The following PHLPP1 variants were observed in gnomAD, a reference collection of about 807,000 sequenced individuals.
PHLPP1 encodes the protein PH domain leucine-rich repeat-containing protein phosphatase 1.
A neutral mutation model predicts 117.2 loss-of-function variants in PHLPP1; 42 were observed. The observed-to-expected ratio is 0.36, with a 90% CI of 0.28 to 0.46. PHLPP1 has a LOEUF of 0.46. PHLPP1 is among the 20% of genes least tolerant of loss of function. The probability of loss-of-function intolerance (pLI) is 1.00; values close to 1 mark genes in which losing one functional copy is unlikely to be tolerated. For synonymous variants in PHLPP1, 1,042 were observed against 970.7 expected, an observed-to-expected ratio of 1.07 and a Z score of -1.37; for missense variants, 2,084 against 2,241.9, an observed-to-expected ratio of 0.93 and a Z score of 1.42.
intron 10 of PHLPP1, among the ~76,000 whole-genome samples, chr18:62,922,246 C>G (rs1320856602): frequency 6.6e-6 from 1 of 152,162 alleles, no homozygotes; most frequent in Non-Finnish European, 1.5e-5. Flanking sequence ...AAGTGATTCT[C>G]TTCCCTCAGC....
chr18:62,946,373 C>G (rs925645219), intron 12 of PHLPP1, among the ~76,000 whole-genome samples: 13 of 152,106 alleles, frequency 8.5e-5, no homozygotes, highest in African/African-American at 3.1e-4. Flanking sequence ...TCAAGCGATT[C>G]GCTCGCCGCA....
intron 6 of PHLPP1, among the ~76,000 whole-genome samples, chr18:62,899,844 A>AT (rs928069875): frequency 3.3e-5 from 5 of 152,088 alleles, no homozygotes; most frequent in African/African-American, 1.2e-4. Context: ...TAATTTTTAA[A>AT]TTTTTTAGAG....
intron 4 of PHLPP1, among the ~76,000 whole-genome samples, chr18:62,882,290 A>G (rs1446462818): frequency 3.4e-5 from 5 of 147,454 alleles, no homozygotes; most frequent in African/African-American, 1.0e-4. Context: ...TTTTTTTGAG[A>G]TGGTGTCTTG....
intron 1 of PHLPP1, among the ~76,000 whole-genome samples, chr18:62,780,405 C>T (rs117211109): frequency 2.0e-5 from 3 of 152,128 alleles, no homozygotes; most frequent in Admixed American, 6.5e-5. Flanking sequence ...GGTTCTCAAC[C>T]TTTTTCTTCT....
chr18:62,900,918 G>A (rs531962227), intron 6 of PHLPP1, among the ~76,000 whole-genome samples: 8 of 152,238 alleles, frequency 5.3e-5, no homozygotes, highest in Middle Eastern at 3.4e-3. Flanking sequence ...CAATAAATAT[G>A]TACAGTTTTA....
At chr18:62,869,929 C>T (rs1915857846) in intron 4 of PHLPP1, among the ~76,000 whole-genome samples, 1 of 152,142 alleles carries the variant, frequency 6.6e-6, no homozygotes, top group Non-Finnish European at 1.5e-5. Context: ...GCTCTGTCGC[C>T]CAGGCTGGAG....
intron 12 of PHLPP1, among the ~76,000 whole-genome samples, chr18:62,953,355 C>T (rs1273713929): frequency 6.6e-6 from 1 of 152,184 alleles, no homozygotes; most frequent in Non-Finnish European, 1.5e-5. Flanking sequence ...TGATATGCCA[C>T]ACAAACGTTA....
chr18:62,922,952 G>A (rs1045988890), intron 10 of PHLPP1, among the ~76,000 whole-genome samples: 2 of 152,100 alleles, frequency 1.3e-5, no homozygotes, highest in African/African-American at 2.4e-5. Flanking sequence ...TCTAAACCTG[G>A]GTTTTCTCAT....
At chr18:62,777,771 T>A (rs1913004584) in intron 1 of PHLPP1, among the ~76,000 whole-genome samples, 1 of 152,188 alleles carries the variant, frequency 6.6e-6, no homozygotes, top group African/African-American at 2.4e-5. Context: ...CCCCAACCAG[T>A]AAGGACTCTC....
chr18:62,899,828 C>A (rs1916667162), intron 6 of PHLPP1, among the ~76,000 whole-genome samples: 1 of 152,184 alleles, frequency 6.6e-6, no homozygotes. Flanking sequence ...CACTACCACA[C>A]TTGGCTAATT....
At chr18:62,905,183 G>A (rs1397873269) in intron 7 of PHLPP1, 41 bp from the exon 8 acceptor site, 1 of 1,297,946 alleles carries the variant, frequency 7.7e-7, no homozygotes, top group Non-Finnish European at 1.0e-6. Context: ...TATGTCATTT[G>A]TATAGTAATG....
At position 62,716,768 on chromosome 18, in the gene PHLPP1, G is replaced by C. The variant is rs1410650819; in HGVS notation, c.1085G>C (p.Arg362Pro). 9 of 1,525,280 alleles carry C rather than the reference G, an allele frequency of 5.9e-6. No individual in the cohort carries two copies. Among genetic ancestry groups the C allele is most frequent in the Non-Finnish European group, 6.1e-6 (7 of 1,141,700 alleles). 94.5% of individuals were successfully genotyped at this position (1,525,280 alleles called of 1,614,324 possible). Residue 362 changes from arginine to proline, a missense_variant, in exon 1 of 17, where the codon CGG (arginine) becomes CCG (proline). Physicochemically the swap from Arg to Pro is moderately radical, Grantham distance 103. Transcript: ENST00000262719. The surrounding 1 kb of genome is among the most constrained non-coding windows in gnomAD (Gnocchi z 5.7). ...LSPSAESVSD[R>P]LDPYSSGGGS... ...CCCAGCGCCGAGAGCGTGTCTGACC[G>C]GTTGGACCCCTACAGCAGCGGCGGC...
chr18:62,814,706 A>G (rs533797856), intron 1 of PHLPP1, among the ~76,000 whole-genome samples: 2 of 152,316 alleles, frequency 1.3e-5, no homozygotes, highest in South Asian at 4.1e-4. Context: ...ATTATTTATC[A>G]TGAGTACTTT....
intron 1 of PHLPP1, among the ~76,000 whole-genome samples, chr18:62,786,074 C>T (rs1420321305): frequency 2.0e-5 from 3 of 152,158 alleles, no homozygotes; most frequent in Non-Finnish European, 4.4e-5. Context: ...TGTGGTCCCT[C>T]AGTTTCTAGT....
intron 13 of PHLPP1, among the ~76,000 whole-genome samples, chr18:62,962,763 C>T (rs1018853786): frequency 4.0e-5 from 6 of 151,802 alleles, no homozygotes; most frequent in Admixed American, 6.6e-5. Flanking sequence ...ATTAAATACC[C>T]TTCATTTGCT....
intron 1 of PHLPP1, among the ~76,000 whole-genome samples, chr18:62,721,079 A>G (rs1474442541): frequency 6.6e-6 from 1 of 152,190 alleles, no homozygotes; most frequent in African/African-American, 2.4e-5. Context: ...TCCCTTGGTT[A>G]AAAGCATTCC....
rs200265956 is a variant in PHLPP1 at position 62,725,188 on chromosome 18, G to A, written c.1576+7929G>A. ...AGCCTGGCTAACATGGTGAAACCCT[G>A]TCTCTACTAAAAATACAAAAAATTA... On this transcript the variant is annotated intron_variant, in intron 1 of 16. Transcript: ENST00000262719. Among the ~76,000 whole-genome samples, 4 of 151,988 alleles carry A rather than the reference G, an allele frequency of 2.6e-5. No individual in the cohort carries two copies. The East Asian group carries it at 7.7e-4, about 29-fold the overall frequency.
intron 1 of PHLPP1, among the ~76,000 whole-genome samples, chr18:62,809,429 G>A (rs1914048527): frequency 6.6e-6 from 1 of 152,146 alleles, no homozygotes; most frequent in Non-Finnish European, 1.5e-5. Flanking sequence ...GGCCAGGTGC[G>A]GTGGCTTATG....
Position 62,975,574 on chromosome 18 carries a change from C to T in PHLPP1, c.3933C>T (p.Ser1311=). 1.2e-6 allele frequency: 2 copies of T among 1,613,888 alleles called. No individual in the cohort carries two copies. The highest frequency in any genetic ancestry group is 1.7e-6 in the Non-Finnish European group (2 of 1,179,786). Residue 1311 remains serine, a synonymous_variant, in exon 16 of 17, where the codon AGC becomes AGT. Transcript: ENST00000262719. ...PLPLSRSYIM[S]CEEELKRIKQ... ...CTCTGTCCAGATCTTACATCATGAG[C>T]TGTGAAGAAGAGCTGAAGAGGATTA...
Sources: gnomAD v4.1 joint callset for allele counts (sites outside exome capture counted in the v4.1 genomes callset) on GRCh38, gnomAD v4.1.1 for gene constraint, Gnocchi (gnomAD v3.1) non-coding constraint, MANE v1.5 for transcripts, NCBI Gene and HGNC (gene_info 2026-07-23, HGNC 2026-07-21) for gene names.